Variants in RFTN2 observed in about 807,000 individuals in gnomAD.
RFTN2 encodes the protein raftlin-2.
A neutral mutation model predicts 52.7 loss-of-function variants in RFTN2; 34 were observed. The observed-to-expected ratio is 0.64, with a 90% confidence interval of 0.49 to 0.86. RFTN2 has a LOEUF of 0.86. RFTN2 is among the 40% of genes least tolerant of loss of function. The probability of loss-of-function intolerance (pLI) is 0.00; values close to 1 mark genes in which losing one functional copy is unlikely to be tolerated. For missense variants in RFTN2, 536 were observed against 600.1 expected, an observed-to-expected ratio of 0.89 and a Z score of 1.12; for synonymous variants, 203 against 217.7, an observed-to-expected ratio of 0.93 and a Z score of 0.59.
At chr2:197,646,916 A>C (rs983138536) in intron 1 of RFTN2, among the ~76,000 whole-genome samples, 1 of 151,220 alleles carries the variant, frequency 6.6e-6, no homozygotes, top group African/African-American at 2.4e-5. Context: ...AAAAAAAAAA[A>C]AAAACTCCAA....
At chr2:197,656,049 AG>A (rs1290589955) in intron 1 of RFTN2, among the ~76,000 whole-genome samples, 2 of 152,176 alleles carry the variant, frequency 1.3e-5, no homozygotes, top group Non-Finnish European at 2.9e-5. Flanking sequence ...ACAGAGCTCC[AG>A]GGTACTCATG....
intron 8 of RFTN2, among the ~76,000 whole-genome samples, chr2:197,588,316 CAA>C (rs1227295430): frequency 6.6e-6 from 1 of 152,074 alleles, no homozygotes; most frequent in Non-Finnish European, 1.5e-5. Flanking sequence ...GAGATTAATC[CAA>C]GTTATGTGTA....
intron 8 of RFTN2, among the ~76,000 whole-genome samples, chr2:197,586,097 G>A (rs1559339077): frequency 6.6e-6 from 1 of 152,062 alleles, no homozygotes; most frequent in South Asian, 2.1e-4. Context: ...CTATCAATAC[G>A]GGCAAACTTA....
intron 3 of RFTN2, among the ~76,000 whole-genome samples, chr2:197,639,429 T>G (rs2106243440): frequency 6.6e-6 from 1 of 151,438 alleles, no homozygotes; most frequent in East Asian, 1.9e-4. Context: ...CTTGGAGGCT[T>G]TGCTCATTTC....
chr2:197,634,700 T>A (rs1311417147), intron 3 of RFTN2, among the ~76,000 whole-genome samples: 1 of 126,944 alleles, frequency 7.9e-6, no homozygotes, highest in Admixed American at 7.2e-5. Context: ...TTATTTTTTA[T>A]TTTTTTTTTA....
chr2:197,576,909 G>C (rs1232196901), intron 8 of RFTN2, among the ~76,000 whole-genome samples: 1 of 152,140 alleles, frequency 6.6e-6, no homozygotes, highest in East Asian at 1.9e-4. Context: ...CAAGCTAAAA[G>C]GAAAAGTCAA....
At chr2:197,619,751 AAT>A (rs1351305448) in intron 5 of RFTN2, among the ~76,000 whole-genome samples, 2,981 of 143,786 alleles carry the variant, frequency 0.021, 110 homozygotes, top group African/African-American at 0.076. Context: ...AAAAAAAAAA[AAT>A]AATAATAACA....
intron 7 of RFTN2, among the ~76,000 whole-genome samples, chr2:197,605,361 G>T (rs1044549183): frequency 6.6e-6 from 1 of 151,608 alleles, no homozygotes; most frequent in Non-Finnish European, 1.5e-5. Context: ...GACTACAGGC[G>T]CCCGCCACCA....
chr2:197,628,595 T>C (rs2088407969), intron 5 of RFTN2, among the ~76,000 whole-genome samples: 1 of 146,282 alleles, frequency 6.8e-6, no homozygotes, highest in Admixed American at 6.8e-5. Flanking sequence ...ACTAAACTTT[T>C]TGGAGAGAAG....
At chr2:197,578,870 C>A (rs1286497291) in intron 8 of RFTN2, among the ~76,000 whole-genome samples, 1 of 152,202 alleles carries the variant, frequency 6.6e-6, no homozygotes, top group Non-Finnish European at 1.5e-5. Flanking sequence ...CATCTACAAC[C>A]TTGGGTCCTC....
chr2:197,640,189 T>G (rs912844962), intron 3 of RFTN2, among the ~76,000 whole-genome samples: 2 of 152,198 alleles, frequency 1.3e-5, no homozygotes, highest in Admixed American at 1.3e-4. Context: ...CTGCTGTCTT[T>G]TTGTCTGTGC....
At chr2:197,647,069 G>A (rs1429642825) in intron 1 of RFTN2, among the ~76,000 whole-genome samples, 3 of 152,076 alleles carry the variant, frequency 2.0e-5, no homozygotes, top group African/African-American at 4.8e-5. Flanking sequence ...TGTCTTATGA[G>A]TTTTTTCAAT....
In RFTN2 at chr2:197,661,615, C is replaced by T. The variant is rs556578959; in HGVS notation, c.139+13705G>A. ...GATAAACAGGTGAGTGCAAGTATCC[C>T]TTTGATATACTGATTTCTTTTCCTT... On this transcript the variant is annotated intron_variant, in intron 1 of 8. Transcript: ENST00000295049. Among the ~76,000 whole-genome samples the T allele has an allele frequency of 1.3e-4, 20 of 152,180 alleles. 1 individual carries two copies. In the South Asian group the frequency reaches 3.5e-3, roughly 27 times the overall value.
intron 4 of RFTN2, among the ~76,000 whole-genome samples, chr2:197,632,436 C>A (rs2088482513): frequency 1.3e-5 from 2 of 152,204 alleles, no homozygotes; most frequent in South Asian, 4.1e-4. Flanking sequence ...TCATTCTTCT[C>A]TCTCCTGCCA....
chr2:197,577,044 C>T (rs939938249), intron 8 of RFTN2, among the ~76,000 whole-genome samples: 3 of 152,342 alleles, frequency 2.0e-5, no homozygotes, highest in African/African-American at 7.2e-5. Context: ...AATAATGCAG[C>T]CACTTTTCTC....
intron 8 of RFTN2, among the ~76,000 whole-genome samples, chr2:197,576,580 A>T (rs1378412242): frequency 6.6e-6 from 1 of 152,206 alleles, no homozygotes; most frequent in Non-Finnish European, 1.5e-5. Context: ...ACCCAGGCTG[A>T]TCTTACAGAA....
chr2:197,586,662 G>A (rs2087604209), intron 8 of RFTN2, among the ~76,000 whole-genome samples: 3 of 152,162 alleles, frequency 2.0e-5, no homozygotes, highest in Admixed American at 2.0e-4. Flanking sequence ...GTCCACTAAT[G>A]TTCTTGGTAC....
intron 5 of RFTN2, among the ~76,000 whole-genome samples, chr2:197,622,841 C>A (rs926980036): frequency 1.3e-5 from 2 of 152,158 alleles, no homozygotes; most frequent in Non-Finnish European, 2.9e-5. Flanking sequence ...TGCCTGTGAT[C>A]TAGACATGGA....
At chr2:197,619,756 T>A (rs6729919) in intron 5 of RFTN2, among the ~76,000 whole-genome samples, 10,888 of 129,128 alleles carry the variant, frequency 0.084, 513 homozygotes, top group Middle Eastern at 0.15. Flanking sequence ...AAAAAAATAA[T>A]AATAACAATA....
Sources: allele counts gnomAD v4.1 joint callset (sites outside exome capture counted in the v4.1 genomes callset), GRCh38; gene constraint gnomAD v4.1.1; transcripts MANE v1.5; gene names NCBI Gene and HGNC (gene_info 2026-07-23, HGNC 2026-07-21).